Variants in SMC5 observed in about 807,000 individuals in gnomAD.
SMC5 encodes structural maintenance of chromosomes protein 5.
A neutral mutation model predicts 148.3 loss-of-function variants in SMC5; 88 were observed. The observed-to-expected ratio is 0.59, with a 90% CI of 0.50 to 0.71. The LOEUF (loss-of-function observed/expected upper bound fraction) is 0.71, where lower values mean the gene tolerates loss of function less well. Ranked by LOEUF, SMC5 falls within the 30% of genes least tolerant of loss-of-function variation. The pLI, the probability that SMC5 is intolerant of heterozygous loss-of-function variation, is 0.00. For missense variants in SMC5, 1,142 were observed against 1,298.9 expected (o/e 0.88, Z 1.86); for synonymous variants, 421 against 432.8 (o/e 0.97, Z 0.34).
At position 70,318,889 on chromosome 9, in the gene SMC5, AAAG is replaced by A; in HGVS notation, c.2083_2085del (p.Lys695del). ...AGCACAAAGACAATGAACTTAGACAAAAGAAGAAGGAGCTTCTTGAGAGAAAAA... is the reference window on the plus strand; with the variant it reads ...AGCACAAAGACAATGAACTTAGACAAAAGAAGGAGCTTCTTGAGAGAAAAA... On this transcript the variant is annotated inframe_deletion, in exon 15 of 25. Coordinates refer to ENST00000361138, the MANE Select transcript of SMC5 (RefSeq NM_015110.4). 2 of 1,612,550 alleles carry A rather than the reference AAAG, an allele frequency of 1.2e-6. No homozygotes were observed. Among genetic ancestry groups the A allele is most frequent in the Admixed American group, 1.7e-5 (1 of 59,866 alleles).
In SMC5 at chr9:70,332,942, A is replaced by G. The variant is rs556388382; in HGVS notation, c.2397+8799A>G. On this transcript the variant is annotated intron_variant, in intron 17 of 24. Coordinates refer to ENST00000361138, the MANE Select transcript of SMC5 (RefSeq NM_015110.4). ...TCGAAGGAGACTTCATCATTCTGAT[A>G]AAGGATATCTGAAAACCAACAGCTC... Among the ~76,000 whole-genome samples, 8 of 152,330 alleles carry G rather than the reference A, an allele frequency of 5.3e-5. No homozygotes were observed. The East Asian group carries it at 1.5e-3, about 29-fold the overall frequency.
rs201420907 is a variant in SMC5 at position 70,344,152 on chromosome 9, C to A, written c.2406C>A (p.Phe802Leu). 1.7e-4 allele frequency: 264 copies of A among 1,516,014 alleles called. No individual in the cohort carries two copies. The highest frequency in any genetic ancestry group is 2.0e-4 in the Non-Finnish European group (231 of 1,130,976). 93.9% of individuals were successfully genotyped at this position (1,516,014 alleles called of 1,614,324 possible). ...SSQLRLTEQHFIELDENRQRL... is the reference protein window; with the variant it reads ...SSQLRLTEQHLIELDENRQRL... ...ATAAATTTTTTTAATAGCAACATTT[C>A]ATTGAATTGGATGAAAATAGACAGA... The change falls in exon 18 of 25, where the codon TTC becomes TTA. Residue 802 changes from phenylalanine to leucine, a missense_variant. Around this residue, in one of 5 missense-constraint regions of SMC5, gnomAD observed 743 missense variants for 835.7 expected, o/e 0.89. Transcript: ENST00000361138.
At chr9:70,324,902 C>G (rs958221383) in intron 17 of SMC5, among the ~76,000 whole-genome samples, 8 of 152,176 alleles carry the variant, frequency 5.3e-5, no homozygotes, top group Non-Finnish European at 1.0e-4. Context: ...TTCCTAAACT[C>G]AAAAGTTTCT....
chr9:70,299,788 T>C (rs1291450554), intron 9 of SMC5, among the ~76,000 whole-genome samples: 2 of 117,438 alleles, frequency 1.7e-5, no homozygotes, highest in Non-Finnish European at 3.6e-5. Flanking sequence ...TGTGGGTTTT[T>C]TTGTTTGTTT....
At chr9:70,307,502 T>G (rs992365212) in intron 11 of SMC5, among the ~76,000 whole-genome samples, 1 of 152,118 alleles carries the variant, frequency 6.6e-6, no homozygotes, top group African/African-American at 2.4e-5. Flanking sequence ...TTTTAATTCA[T>G]TACTTTTTTT....
chr9:70,303,574 A>G (rs1288321666), intron 10 of SMC5, among the ~76,000 whole-genome samples: 1 of 152,182 alleles, frequency 6.6e-6, no homozygotes. Flanking sequence ...TCTATAATTT[A>G]AAATAGCACT....
intron 3 of SMC5, among the ~76,000 whole-genome samples, chr9:70,276,632 A>G (rs1169089463): frequency 6.6e-6 from 1 of 152,198 alleles, no homozygotes; most frequent in East Asian, 1.9e-4. Context: ...TTGGATACCA[A>G]TAATTTATCT....
intron 17 of SMC5, among the ~76,000 whole-genome samples, chr9:70,342,973 T>C (rs1486449940): frequency 1.3e-5 from 2 of 152,154 alleles, no homozygotes; most frequent in Admixed American, 6.5e-5. Flanking sequence ...TGTCATAGCT[T>C]CTGTGACCAC....
chr9:70,276,011 C>T (rs1464894085), intron 3 of SMC5, among the ~76,000 whole-genome samples: 5 of 152,134 alleles, frequency 3.3e-5, no homozygotes, highest in African/African-American at 4.8e-5. Context: ...GTGTTTGTAG[C>T]GAACTACTCT....
chr9:70,297,318 G>A (rs951579955), intron 8 of SMC5, among the ~76,000 whole-genome samples: 1 of 152,160 alleles, frequency 6.6e-6, no homozygotes, highest in Non-Finnish European at 1.5e-5. Context: ...GATGATCTGT[G>A]GTTGATGGCA....
chr9:70,311,636 G>A (rs997163033), intron 11 of SMC5: 14 of 150,016 alleles, frequency 9.3e-5, no homozygotes, highest in East Asian at 5.9e-4. Context: ...GCAGTGGGGG[G>A]TTGTATACCA....
intron 10 of SMC5, among the ~76,000 whole-genome samples, chr9:70,303,405 T>G (rs1019046741): frequency 6.6e-6 from 1 of 152,198 alleles, no homozygotes; most frequent in Non-Finnish European, 1.5e-5. Flanking sequence ...TTTTCTTTTA[T>G]TTGTATCATT....
In SMC5 at chr9:70,276,911, G is replaced by A. The variant is rs181402527; in HGVS notation, c.381-399G>A. ...TCATTCATATGTTTTCTGAGCAGGGGGAGTTTCAAGGTTTAACTGCTCTAC... is the reference window on the plus strand; with the variant it reads ...TCATTCATATGTTTTCTGAGCAGGGAGAGTTTCAAGGTTTAACTGCTCTAC... On this transcript the variant is annotated intron_variant, in intron 3 of 24. Transcript: ENST00000361138. 3.6e-3 allele frequency among the ~76,000 whole-genome samples: 553 copies of A among 152,106 alleles called. 4 individuals carry two copies. The highest frequency in any genetic ancestry group is 0.012 in the African/African-American group (495 of 41,488).
chr9:70,265,701 A>G (rs2034271673), intron 2 of SMC5, among the ~76,000 whole-genome samples: 1 of 152,230 alleles, frequency 6.6e-6, no homozygotes, highest in East Asian at 1.9e-4. Context: ...AAATATGCAA[A>G]AGAAAGTAGA....
rs139932070 is a variant in SMC5 at position 70,319,082 on chromosome 9, C to T, written c.2150+119C>T. 959 of 947,184 alleles carry T rather than the reference C, an allele frequency of 1.0e-3. 9 individuals are homozygous for T. The African/African-American group carries it at 0.014, about 14-fold the overall frequency. The allele number at this position is 947,184 out of a possible 1,614,324, so 58.7% of individuals were successfully genotyped here. On this transcript the variant is annotated intron_variant, in intron 15 of 24. Transcript: ENST00000361138. ...CGCTTTGTAGTAATTTCTCTTTAAT[C>T]TTTAATCTTACTGCATAAAACACAA...
chr9:70,278,356 A>G (rs1446815117), intron 4 of SMC5, 135 bp from the exon 5 acceptor site: 1 of 778,316 alleles, frequency 1.3e-6, no homozygotes, highest in East Asian at 2.9e-5. Flanking sequence ...CTAAAGAATA[A>G]TGCACAAAAG....
At chr9:70,288,322 G>T (rs2034964153) in intron 8 of SMC5, among the ~76,000 whole-genome samples, 1 of 151,934 alleles carries the variant, frequency 6.6e-6, no homozygotes, top group South Asian at 2.1e-4. Flanking sequence ...AATACTCTTG[G>T]ATCAGTTTCA....
intron 18 of SMC5, among the ~76,000 whole-genome samples, chr9:70,346,164 A>G (rs1022253975): frequency 6.6e-6 from 1 of 152,186 alleles, no homozygotes; most frequent in Admixed American, 6.5e-5. Context: ...ATTAGAGTCA[A>G]GTGAGGATAT....
At chr9:70,261,875 C>T (rs2034147415) in intron 1 of SMC5, among the ~76,000 whole-genome samples, 1 of 152,190 alleles carries the variant, frequency 6.6e-6, no homozygotes, top group Non-Finnish European at 1.5e-5. Context: ...AAAATATCAC[C>T]TGCTACATTG....
Sources: allele counts gnomAD v4.1 joint callset (sites outside exome capture counted in the v4.1 genomes callset), GRCh38; gene constraint gnomAD v4.1.1; regional missense constraint gnomAD v4.1.1; transcripts MANE v1.5; gene names NCBI Gene and HGNC (gene_info 2026-07-23, HGNC 2026-07-21).